APOO: variants seen among roughly 807,000 people sequenced by gnomAD.
APOO encodes apolipoprotein O.
APOO carries 11 observed loss-of-function variants against 23.1 expected under a neutral mutation model. That is an observed-to-expected ratio of 0.48 (90% confidence interval 0.30 to 0.79). The LOEUF (loss-of-function observed/expected upper bound fraction) is 0.79, where lower values mean the gene tolerates loss of function less well. Among genes scored for constraint, APOO ranks in the 30% least tolerant of loss-of-function variants. The pLI is 0.07. For synonymous variants in APOO, 59 were observed against 54.8 expected (o/e 1.08, Z -0.34); for missense variants, 160 against 142.7 (o/e 1.12, Z -0.62).
At chrX:23,857,952 C>T (rs958256096) in intron 6 of APOO, among the ~76,000 whole-genome samples, 1 of 111,679 alleles carries the variant, frequency 9.0e-6, no homozygotes, top group Non-Finnish European at 1.9e-5. Flanking sequence ...ACTCCCAGAG[C>T]TTCTGATTCA....
intron 1 of APOO, among the ~76,000 whole-genome samples, chrX:23,897,478 A>T (rs936102939): frequency 9.0e-6 from 1 of 111,646 alleles, no homozygotes; most frequent in Admixed American, 9.6e-5. Flanking sequence ...TCCAGACAGA[A>T]ATTTACTGCT....
intron 1 of APOO, among the ~76,000 whole-genome samples, chrX:23,903,240 G>A (rs1220138975): frequency 1.8e-5 from 2 of 110,543 alleles, no homozygotes; most frequent in Non-Finnish European, 1.9e-5. Context: ...ATGGTGGCGC[G>A]CACCTGTCAA....
chrX:23,873,252 A>G (rs1458366568), intron 4 of APOO, among the ~76,000 whole-genome samples: 1 of 110,986 alleles, frequency 9.0e-6, no homozygotes, highest in African/African-American at 3.3e-5. Context: ...ATAAGTCTTA[A>G]ATAAGTGTTT....
intron 7 of APOO, among the ~76,000 whole-genome samples, chrX:23,850,872 A>C (rs773990320): frequency 9.0e-6 from 1 of 111,683 alleles, no homozygotes; most frequent in South Asian, 3.7e-4. Context: ...ACAGCAGTGA[A>C]GATGAATACA....
intron 4 of APOO, among the ~76,000 whole-genome samples, chrX:23,874,030 A>G (rs1356964469): frequency 8.9e-6 from 1 of 112,361 alleles, no homozygotes; most frequent in African/African-American, 3.2e-5. Flanking sequence ...TCCTGCTTCA[A>G]AACTTCTAGA....
At chrX:23,835,921 C>T (rs7888217) in intron 8 of APOO, among the ~76,000 whole-genome samples, 2,544 of 111,903 alleles carry the variant, frequency 0.023, 65 homozygotes, top group African/African-American at 0.076. Flanking sequence ...TTCTAAAGGA[C>T]AAATAAGCCA....
intron 1 of APOO, among the ~76,000 whole-genome samples, chrX:23,900,249 G>A (rs1309777929): frequency 8.9e-6 from 1 of 112,105 alleles, no homozygotes; most frequent in Non-Finnish European, 1.9e-5. Context: ...ACCTTACATT[G>A]ATATAGTGCT....
At chrX:23,840,940 T>C (rs973853080) in intron 7 of APOO, 10 of 112,113 alleles carry the variant, frequency 8.9e-5, no homozygotes, top group African/African-American at 2.3e-4. Context: ...AATTAGGCCA[T>C]GTAATCCATA....
intron 8 of APOO, among the ~76,000 whole-genome samples, chrX:23,835,130 C>T (rs1320321682): frequency 1.9e-5 from 2 of 105,780 alleles, no homozygotes; most frequent in African/African-American, 7.0e-5. Context: ...GGCGTCCTCT[C>T]GGTTCACCGC....
At chrX:23,864,888 A>G (rs1321482336) in intron 5 of APOO, among the ~76,000 whole-genome samples, 4 of 111,036 alleles carry the variant, frequency 3.6e-5, no homozygotes, top group Non-Finnish European at 7.6e-5. Flanking sequence ...GACCAGGGAA[A>G]GAGCAGCCAA....
chrX:23,842,586 T>C (rs1924033421), intron 7 of APOO, among the ~76,000 whole-genome samples: 1 of 112,265 alleles, frequency 8.9e-6, no homozygotes, highest in Non-Finnish European at 1.9e-5. Context: ...AGCCAAACCT[T>C]TGAGGTATAG....
At chrX:23,883,951 C>T (rs1428145511) in intron 1 of APOO, 1 of 112,100 alleles carries the variant, frequency 8.9e-6, no homozygotes, top group African/African-American at 3.2e-5. Flanking sequence ...TTAGGCAGTT[C>T]TACAGAAAGA....
chrX:23,858,083 C>T (rs1042384707), intron 6 of APOO, among the ~76,000 whole-genome samples: 8 of 110,778 alleles, frequency 7.2e-5, no homozygotes, highest in African/African-American at 2.6e-4. Context: ...TGTTGCCTGC[C>T]ACCGTGATAG....
chrX:23,857,394 C>T (rs966700694), intron 6 of APOO, among the ~76,000 whole-genome samples: 6 of 111,262 alleles, frequency 5.4e-5, no homozygotes, highest in African/African-American at 1.6e-4. Context: ...ATTTTTATAT[C>T]TAGGGCTGGA....
At chrX:23,840,433 C>T in intron 7 of APOO, 56 bp from the exon 8 acceptor site, 1 of 1,041,202 alleles carries the variant, frequency 9.6e-7, no homozygotes, top group Non-Finnish European at 1.3e-6. Flanking sequence ...AGTGCAACTC[C>T]TTAGTGTCCT....
In APOO at chrX:23,858,681, G is replaced by A. The variant is rs1486939785; in HGVS notation, c.441C>T (p.Ala147=). The change falls in exon 6 of 9, where the codon GCC becomes GCT. Residue 147 remains alanine (A), a synonymous_variant. Transcript: ENST00000379226. ...TGGCTTGTTGTGGATAATAGAGGGA[G>A]GCAGCTAATCCCATGAAACCAGGCG... ...VYPPGFMGLA[A]SLYYPQQAIV... 1 of 1,211,266 alleles carries A rather than the reference G, an allele frequency of 8.3e-7. No individual in the cohort carries two copies. The highest frequency in any genetic ancestry group is 1.1e-6 in the Non-Finnish European group (1 of 895,250).
chrX:23,881,506 T>G (rs1214491459), intron 1 of APOO, among the ~76,000 whole-genome samples: 1 of 80,366 alleles, frequency 1.2e-5, no homozygotes, highest in African/African-American at 5.0e-5. Context: ...GCCACTACAC[T>G]CCAGCCTGGG....
intron 7 of APOO, among the ~76,000 whole-genome samples, chrX:23,844,638 T>A (rs1287856623): frequency 9.0e-6 from 1 of 111,350 alleles, no homozygotes; most frequent in African/African-American, 3.3e-5. Flanking sequence ...ACAATCTAAA[T>A]GAGCAGGAAA....
intron 7 of APOO, among the ~76,000 whole-genome samples, chrX:23,853,958 G>C (rs926326677): frequency 1.8e-5 from 2 of 111,080 alleles, no homozygotes; most frequent in African/African-American, 6.5e-5. Flanking sequence ...CTTCTATTGA[G>C]AACAGACAGC....
Sources: allele counts gnomAD v4.1 joint callset (sites outside exome capture counted in the v4.1 genomes callset), GRCh38; gene constraint gnomAD v4.1.1; transcripts MANE v1.5; gene names NCBI Gene and HGNC (gene_info 2026-07-23, HGNC 2026-07-21).